NBPF10: variants seen among roughly 807,000 people sequenced by gnomAD.
NBPF10 encodes the protein NBPF member 10.
In NBPF10, 63 loss-of-function variants were observed where a neutral mutation model predicts 77.9. The observed-to-expected ratio is 0.81, with a 90% confidence interval of 0.66 to 1.00. The LOEUF is 1.00. Among genes scored for constraint, NBPF10 ranks in the 50% least tolerant of loss-of-function variants. NBPF10 has a pLI of 0.00. For synonymous variants in NBPF10, 146 were observed against 264.5 expected, an observed-to-expected ratio of 0.55 and a Z score of 4.35; for missense variants, 522 against 679.8, an observed-to-expected ratio of 0.77 and a Z score of 2.58.
chr1:146,126,651 A>G (rs1483362118), intron 13 of NBPF10, among the ~76,000 whole-genome samples: 4 of 141,716 alleles, frequency 2.8e-5, no homozygotes, highest in African/African-American at 7.6e-5. Context: ...AGCTCAGTCA[A>G]TTGGTCAGGT....
chr1:146,139,481 G>T (rs1243860184), intron 5 of NBPF10, among the ~76,000 whole-genome samples: 1 of 146,914 alleles, frequency 6.8e-6, no homozygotes, highest in Non-Finnish European at 1.5e-5. Flanking sequence ...GAATGAGAGT[G>T]GGAGGATCAT....
At chr1:146,126,692 C>G (rs587631957) in intron 13 of NBPF10, among the ~76,000 whole-genome samples, 1 of 146,362 alleles carries the variant, frequency 6.8e-6, no homozygotes, top group African/African-American at 2.5e-5. Context: ...AAAGGACACT[C>G]TGTATTTGTG....
intron 86 of NBPF10, 130 bp downstream of exon 86, chr1:146,069,413 C>T (rs1553779268): frequency 3.9e-6 from 2 of 508,140 alleles, no homozygotes; most frequent in South Asian, 3.8e-5. Flanking sequence ...TTCATTCAAC[C>T]TACATATGCC....
rs587612306 is a variant in NBPF10 at position 146,126,493 on chromosome 1, G to T, written c.1854-85C>A. ...AGCTAGATTTCATGGCTAACATAAG[G>T]AAGAGTTTGAAAAGAAAAAGGACAG... On this transcript the variant is annotated intron_variant, in intron 13 of 89. Transcript: ENST00000583866. 15 of 722,416 alleles carry T rather than the reference G, an allele frequency of 2.1e-5. 1 individual carries two copies. In the East Asian group the frequency reaches 3.9e-4, roughly 19 times the overall value. 44.8% of individuals were successfully genotyped at this position (722,416 alleles called of 1,614,324 possible). A position where few individuals can be genotyped will look rare whatever the true frequency, so the allele number is the denominator to read the frequency against.
At chr1:146,067,280 T>C (rs782803627) in exon 89 of NBPF10, 4 of 552,870 alleles carry the variant, frequency 7.2e-6, no homozygotes, top group African/African-American at 2.6e-5. Context: ...TTCCCCTTCT[T>C]TTCAATTTCT....
intron 2 of NBPF10, 38 bp downstream of exon 2, chr1:146,142,612 C>T (rs782263665): frequency 8.8e-7 from 1 of 1,132,936 alleles, no homozygotes; most frequent in Non-Finnish European, 1.3e-6. Flanking sequence ...GAGATCTACA[C>T]ACCTACCCGC....
rs1227585504 is a variant in NBPF10, at chr1:146,129,880, A to G, written c.1638-1598T>C. 1.4e-3 allele frequency among the ~76,000 whole-genome samples: 127 copies of G among 93,486 alleles called. 25 individuals are homozygous for G. Among genetic ancestry groups the G allele is most frequent in the Non-Finnish European group, 2.0e-3 (95 of 47,780 alleles). The allele number at this position is 93,486 out of a possible 152,430, so 61.3% of individuals were successfully genotyped here. On this transcript the variant is annotated intron_variant, in intron 11 of 89. Coordinates refer to ENST00000583866, the Ensembl canonical transcript of NBPF10. Reference sequence around the variant, plus strand: ...TCCATATGTATAGTTTTCCTTTATTATTTTTTGTGTGTATGTATATATATA... The same window carrying G: ...TCCATATGTATAGTTTTCCTTTATTGTTTTTTGTGTGTATGTATATATATA...
exon 9 of NBPF10, chr1:146,134,204 T>C (rs10910794): frequency 0.16 from 179,499 of 1,113,222 alleles, 45,010 homozygotes; most frequent in African/African-American, 0.42. Context: ...TGGGGGCAGA[T>C]GATTTCTGCA....
At chr1:146,142,386 T>A (rs1306061899) in intron 2 of NBPF10, among the ~76,000 whole-genome samples, 3 of 134,192 alleles carry the variant, frequency 2.2e-5, no homozygotes, top group African/African-American at 7.5e-5. Context: ...TGGTTCCCAC[T>A]CCTTTGGTGA....
chr1:146,134,248 C>A (rs782690582), exon 9 of NBPF10: 1 of 1,600,968 alleles, frequency 6.2e-7, no homozygotes, highest in East Asian at 2.2e-5. Flanking sequence ...ACATCTTCAT[C>A]GTCATCGTTG....
chr1:146,067,072 A>C (rs1170323092), intron 89 of NBPF10, 108 bp downstream of exon 89: 1 of 584,194 alleles, frequency 1.7e-6, no homozygotes, highest in Non-Finnish European at 3.1e-6. Flanking sequence ...CAGTAGGAGT[A>C]ATTCAGCCTT....
At chr1:146,068,114 A>G (rs1470398663) in exon 88 of NBPF10, 5 of 507,588 alleles carry the variant, frequency 9.9e-6, no homozygotes, top group Admixed American at 3.9e-5. Context: ...GTCGAATAAC[A>G]TCTATCCAGT....
intron 12 of NBPF10, 95 bp from the exon 13 acceptor site, chr1:146,127,174 T>G: frequency 1.7e-6 from 1 of 579,996 alleles, no homozygotes; most frequent in Non-Finnish European, 3.0e-6. Flanking sequence ...ACATCAGTCT[T>G]GTCAGTGTGA....
intron 41 of NBPF10, among the ~76,000 whole-genome samples, chr1:146,104,656 C>T (rs78411244): frequency 3.1e-3 from 66 of 21,328 alleles, no homozygotes; most frequent in East Asian, 0.012. Flanking sequence ...AGAGAGAGAA[C>T]GAGCTCAGTG....
Position 146,126,509 on chromosome 1 carries a change from A to T in NBPF10, c.1854-101T>A. 6 of 718,020 alleles carry T rather than the reference A, an allele frequency of 8.4e-6. 1 individual carries two copies. Among genetic ancestry groups the T allele is most frequent in the Non-Finnish European group, 2.6e-6 (1 of 386,496 alleles). The allele number at this position is 718,020 out of a possible 1,614,324, so 44.5% of individuals were successfully genotyped here. A position where few individuals can be genotyped will look rare whatever the true frequency, so the allele number is the denominator to read the frequency against. On this transcript the variant is annotated intron_variant, in intron 13 of 89. Coordinates refer to ENST00000583866, the Ensembl canonical transcript of NBPF10. ...TAACATAAGGAAGAGTTTGAAAAGA[A>T]AAAGGACAGATCCATTAATGAGGTA...
chr1:146,067,717 T>G (rs1183540708), intron 88 of NBPF10, among the ~76,000 whole-genome samples: 2 of 149,830 alleles, frequency 1.3e-5, no homozygotes, highest in African/African-American at 4.9e-5. Context: ...TGAGTCAAAA[T>G]CACAGTTCTC....
chr1:146,126,208 C>T, intron 14 of NBPF10, 28 bp downstream of exon 14: 2 of 1,398,154 alleles, frequency 1.4e-6, no homozygotes, highest in Non-Finnish European at 2.0e-6. Context: ...TCAGTGGATC[C>T]TTATCACCTT....
rs201445974 is a variant in NBPF10 at position 146,067,163 on chromosome 1, C to G, written c.11144+17G>C. 0.012 allele frequency: 7,168 copies of G among 617,206 alleles called. 969 individuals carry two copies. The highest frequency in any genetic ancestry group is 0.033 in the African/African-American group (1,856 of 55,498). The allele number at this position is 617,206 out of a possible 1,614,324, so 38.2% of individuals were successfully genotyped here. On this transcript the variant is annotated intron_variant, in intron 89 of 89. Coordinates refer to ENST00000583866, the Ensembl canonical transcript of NBPF10. ...GTGTTAACACAGAACTAAGGATCCA[C>G]AATTGCTGAAAGTCACCTGGGGCAT...
chr1:146,067,228 C>T (rs782694097), exon 89 of NBPF10: 3 of 555,072 alleles, frequency 5.4e-6, no homozygotes, highest in Non-Finnish European at 6.4e-6. Context: ...TCTTCCCCTT[C>T]TTCTTTCCTT....
Sources: gnomAD v4.1 joint callset for allele counts (sites outside exome capture counted in the v4.1 genomes callset) on GRCh38, gnomAD v4.1.1 for gene constraint, MANE v1.5 for transcripts, NCBI Gene and HGNC (gene_info 2026-07-23, HGNC 2026-07-21) for gene names.